ASIC2: variants seen among roughly 807,000 people sequenced by gnomAD.
ASIC2 encodes the protein acid sensing ion channel subunit 2.
ASIC2 carries 25 observed loss-of-function variants against 57.3 expected under a neutral mutation model. That is an observed-to-expected ratio of 0.44 (90% CI 0.32 to 0.61). The LOEUF (loss-of-function observed/expected upper bound fraction) is 0.61. Among genes scored for constraint, ASIC2 ranks in the 20% least tolerant of loss-of-function variants. ASIC2 has a pLI of 0.06. For synonymous variants in ASIC2, 319 were observed against 307.5 expected, an observed-to-expected ratio of 1.04 and a Z score of -0.39; for missense variants, 641 against 738.1, an observed-to-expected ratio of 0.87 and a Z score of 1.52.
At chr17:34,060,151 G>A (rs1908919915) in intron 1 of ASIC2, among the ~76,000 whole-genome samples, 1 of 152,218 alleles carries the variant, frequency 6.6e-6, no homozygotes, top group African/African-American at 2.4e-5. Context: ...GAGACCCATA[G>A]ATGGTTCACA....
chr17:33,485,571 T>G (rs943749440), intron 1 of ASIC2, among the ~76,000 whole-genome samples: 1 of 152,222 alleles, frequency 6.6e-6, no homozygotes, highest in African/African-American at 2.4e-5. Context: ...ATCATTTCCT[T>G]TAGGCCACTC....
intron 7 of ASIC2, among the ~76,000 whole-genome samples, chr17:33,019,014 C>T (rs906852163): frequency 2.0e-5 from 3 of 152,172 alleles, no homozygotes; most frequent in African/African-American, 4.8e-5. Context: ...CCCAGTGGAA[C>T]GCGGTGCTGG....
At chr17:33,305,042 G>A (rs1013488427) in intron 1 of ASIC2, among the ~76,000 whole-genome samples, 9 of 152,016 alleles carry the variant, frequency 5.9e-5, no homozygotes, top group African/African-American at 2.2e-4. Context: ...TACCCTTTGA[G>A]GAATCAAAAT....
intron 1 of ASIC2, among the ~76,000 whole-genome samples, chr17:34,112,521 A>C (rs899424731): frequency 1.3e-5 from 2 of 151,948 alleles, no homozygotes; most frequent in African/African-American, 4.8e-5. Context: ...CAGGGCAGCC[A>C]AGGGAGATGG....
intron 1 of ASIC2, among the ~76,000 whole-genome samples, chr17:33,970,606 A>G (rs1392825611): frequency 6.6e-6 from 1 of 152,232 alleles, no homozygotes; most frequent in Non-Finnish European, 1.5e-5. Flanking sequence ...CCCAGAGGCC[A>G]AGGAGGAGGA....
chr17:33,664,440 G>T (rs1907403737), intron 1 of ASIC2, among the ~76,000 whole-genome samples: 1 of 152,218 alleles, frequency 6.6e-6, no homozygotes, highest in Admixed American at 6.5e-5. Context: ...CCACTCTGCA[G>T]TTTGGTAGTT....
intron 1 of ASIC2, among the ~76,000 whole-genome samples, chr17:34,131,303 A>AAGAG (rs10624350): frequency 6.6e-6 from 1 of 151,874 alleles, no homozygotes; most frequent in Non-Finnish European, 1.5e-5. Context: ...ATGGGGATGG[A>AAGAG]AGAGAGAGAG....
intron 1 of ASIC2, among the ~76,000 whole-genome samples, chr17:33,826,267 G>A (rs901772577): frequency 1.3e-5 from 2 of 152,218 alleles, no homozygotes; most frequent in Non-Finnish European, 2.9e-5. Flanking sequence ...GCTTACGTAA[G>A]CATAGTTCCT....
intron 1 of ASIC2, among the ~76,000 whole-genome samples, chr17:33,477,679 C>T (rs1039588660): frequency 1.1e-4 from 16 of 152,142 alleles, no homozygotes; most frequent in Non-Finnish European, 2.9e-5. Flanking sequence ...TGACCACGTC[C>T]CTGCCCTCAA....
At chr17:33,440,756 A>G (rs1911795588) in intron 1 of ASIC2, among the ~76,000 whole-genome samples, 1 of 152,154 alleles carries the variant, frequency 6.6e-6, no homozygotes, top group Non-Finnish European at 1.5e-5. Flanking sequence ...CTATTCATGT[A>G]TTTTCTCGGG....
chr17:33,325,052 A>G (rs1332015463), intron 1 of ASIC2, among the ~76,000 whole-genome samples: 2 of 152,188 alleles, frequency 1.3e-5, no homozygotes, highest in Non-Finnish European at 2.9e-5. Flanking sequence ...TCCGCCTGAC[A>G]TGCTTTCCAT....
intron 1 of ASIC2, among the ~76,000 whole-genome samples, chr17:33,513,864 G>A (rs913832026): frequency 5.3e-5 from 8 of 152,190 alleles, no homozygotes; most frequent in African/African-American, 1.9e-4. Context: ...CTGTTTGGAG[G>A]CTGCCTTCTG....
intron 6 of ASIC2, among the ~76,000 whole-genome samples, chr17:33,023,489 CA>C (rs34453291): frequency 0.24 from 29,823 of 124,300 alleles, 3,302 homozygotes; most frequent in African/African-American, 0.34. Flanking sequence ...GGCTCCATCT[CA>C]AAAAAAAAAA....
chr17:33,712,847 G>A (rs543741646), intron 1 of ASIC2, among the ~76,000 whole-genome samples: 2 of 151,344 alleles, frequency 1.3e-5, no homozygotes, highest in East Asian at 1.9e-4. Context: ...GGGTTTCACC[G>A]TTTTAGCCGG....
chr17:33,277,992 T>G (rs1249055254), intron 1 of ASIC2, among the ~76,000 whole-genome samples: 1 of 152,156 alleles, frequency 6.6e-6, no homozygotes, highest in African/African-American at 2.4e-5. Flanking sequence ...GGTTTTCCAG[T>G]GTGGGAAGGA....
At position 33,494,856 on chromosome 17, in the gene ASIC2, C is replaced by G. The variant is rs186140135; in HGVS notation, c.556-382789G>C. 2.0e-4 allele frequency among the ~76,000 whole-genome samples: 31 copies of G among 152,308 alleles called. No individual in the cohort carries two copies. In the East Asian group the frequency reaches 6.0e-3, roughly 29 times the overall value. ...TATGGAGATAGAAAGTGATGACGCCCTGTGTCTAGGGCATCACCCTGCTCA... is the reference window on the plus strand; with the variant it reads ...TATGGAGATAGAAAGTGATGACGCCGTGTGTCTAGGGCATCACCCTGCTCA... On this transcript the variant is annotated intron_variant, in intron 1 of 9. Transcript: ENST00000359872.
At chr17:33,213,250 T>G (rs1907346786) in intron 1 of ASIC2, among the ~76,000 whole-genome samples, 1 of 152,188 alleles carries the variant, frequency 6.6e-6, no homozygotes, top group East Asian at 1.9e-4. Context: ...GGGCATAGAC[T>G]GGTCCTAAGA....
intron 1 of ASIC2, among the ~76,000 whole-genome samples, chr17:33,278,585 G>A (rs1025595709): frequency 6.6e-6 from 1 of 151,952 alleles, no homozygotes; most frequent in Admixed American, 6.6e-5. Context: ...CCTTCCCATC[G>A]TTCTGATCTT....
Position 33,906,888 on chromosome 17 carries a change from T to A in ASIC2, c.555+249090A>T, listed in dbSNP as rs557572258. Among the ~76,000 whole-genome samples the A allele has an allele frequency of 5.3e-5, 8 of 152,336 alleles. No homozygotes were observed. In the East Asian group the frequency reaches 1.3e-3, roughly 26 times the overall value. On this transcript the variant is annotated intron_variant, in intron 1 of 9. Transcript: ENST00000359872. The stretch of plus-strand genomic sequence containing the variant: ...CTGGCTACAAGTCTTGAATTCTAAT[T>A]ACTCTGGTCCATGGGACATGCCTAA...
Sources: gnomAD v4.1 joint callset for allele counts (sites outside exome capture counted in the v4.1 genomes callset) on GRCh38, gnomAD v4.1.1 for gene constraint, MANE v1.5 for transcripts, NCBI Gene and HGNC (gene_info 2026-07-23, HGNC 2026-07-21) for gene names.